Variants in OSBPL9 observed in about 807,000 individuals in gnomAD.
OSBPL9 encodes oxysterol-binding protein-related protein 9.
In OSBPL9, 40 loss-of-function variants were observed where a neutral mutation model predicts 106.6. The ratio of observed to expected loss-of-function variants is 0.38; its 90% CI spans 0.29 to 0.49. OSBPL9 has a LOEUF of 0.49. OSBPL9 is among the 20% of genes least tolerant of loss of function. The pLI is 0.97. For synonymous variants in OSBPL9, 269 were observed against 295.4 expected (o/e 0.91, Z 0.92); for missense variants, 609 against 887.2 (o/e 0.69, Z 3.98).
chr1:51,786,039 C>T (rs1677541548), intron 21 of OSBPL9, 153 bp downstream of exon 21: 1 of 640,278 alleles, frequency 1.6e-6, no homozygotes, highest in Admixed American at 3.4e-5. Context: ...TGTATGTCAT[C>T]TCTTCAGGGC....
At chr1:51,519,778 A>G in the OSBPL9 span, among the ~76,000 whole-genome samples, 3 of 152,258 alleles carry the variant, frequency 2.0e-5, no homozygotes, top group Non-Finnish European at 4.4e-5. Flanking sequence ...CTAAGGTCAT[A>G]CAGCTAATTA....
the OSBPL9 span, among the ~76,000 whole-genome samples, chr1:51,522,144 GT>G: frequency 1.3e-5 from 2 of 152,074 alleles, no homozygotes; most frequent in Admixed American, 1.3e-4. Context: ...ATATATAATT[GT>G]TATTTGGATC....
At chr1:51,641,642 CA>C (rs1645799620) in intron 1 of OSBPL9, among the ~76,000 whole-genome samples, 1 of 152,080 alleles carries the variant, frequency 6.6e-6, no homozygotes, top group Non-Finnish European at 1.5e-5. Context: ...CTATAGCCAG[CA>C]AAAAGCTGCT....
At chr1:51,738,655 C>T (rs1323212012) in intron 4 of OSBPL9, among the ~76,000 whole-genome samples, 1 of 151,682 alleles carries the variant, frequency 6.6e-6, no homozygotes, top group Non-Finnish European at 1.5e-5. Context: ...TTTTTATTAC[C>T]ATTCTCTATT....
the OSBPL9 span, among the ~76,000 whole-genome samples, chr1:51,528,591 G>A: frequency 6.6e-6 from 1 of 151,828 alleles, no homozygotes; most frequent in Non-Finnish European, 1.5e-5. Flanking sequence ...ATCAATTCCA[G>A]CCCAGCACAG....
the OSBPL9 span, among the ~76,000 whole-genome samples, chr1:51,547,856 T>G: frequency 2.0e-5 from 3 of 151,458 alleles, no homozygotes; most frequent in Non-Finnish European, 4.4e-5. Flanking sequence ...ATCTCAAATA[T>G]ATATATATAA....
intron 12 of OSBPL9, among the ~76,000 whole-genome samples, chr1:51,770,916 T>C (rs1356032277): frequency 2.0e-5 from 3 of 152,170 alleles, no homozygotes; most frequent in East Asian, 1.9e-4. Flanking sequence ...TCAAAACCGA[T>C]AGAACAGGCA....
intron 1 of OSBPL9, among the ~76,000 whole-genome samples, chr1:51,593,249 T>G (rs536654319): frequency 6.6e-6 from 1 of 152,206 alleles, no homozygotes; most frequent in South Asian, 2.1e-4. Context: ...GAAAAAAGAT[T>G]ACAATAGCCT....
Position 51,751,119 on chromosome 1 carries a change from G to A in OSBPL9, c.543+924G>A, listed in dbSNP as rs544376362. ...ATTTTTTATTTTTTGAGACAGTCTC[G>A]CTCTGTTGCCCAGGCTGGAGTGCAG... On this transcript the variant is annotated intron_variant, in intron 8 of 23. Coordinates refer to ENST00000428468, the MANE Select transcript of OSBPL9 (RefSeq NM_024586.6). 1.4e-4 allele frequency among the ~76,000 whole-genome samples: 21 copies of A among 152,144 alleles called. 1 individual carries two copies. The South Asian group carries it at 3.9e-3, about 29-fold the overall frequency.
At chr1:51,550,317 A>T in the OSBPL9 span, among the ~76,000 whole-genome samples, 1 of 152,260 alleles carries the variant, frequency 6.6e-6, no homozygotes, top group Non-Finnish European at 1.5e-5. Flanking sequence ...CTTGCAAACA[A>T]GTGACAATTA....
chr1:51,772,563 G>T (rs1263399593), intron 13 of OSBPL9, 42 bp from the exon 14 acceptor site: 7 of 1,432,704 alleles, frequency 4.9e-6, no homozygotes, highest in Non-Finnish European at 6.9e-6. Flanking sequence ...GGACAGATTG[G>T]CCCAATTTAG....
At chr1:51,621,738 T>C (rs2148627079) in intron 1 of OSBPL9, among the ~76,000 whole-genome samples, 1 of 152,290 alleles carries the variant, frequency 6.6e-6, no homozygotes, top group East Asian at 1.9e-4. Flanking sequence ...CCCTCTCTTT[T>C]TCTTGGCCAT....
the OSBPL9 span, among the ~76,000 whole-genome samples, chr1:51,552,196 T>G: frequency 5.9e-5 from 9 of 152,186 alleles, no homozygotes; most frequent in Non-Finnish European, 2.9e-5. Context: ...ACTTTTCTTG[T>G]TGGTCTCCTC....
intron 3 of OSBPL9, 82 bp from the exon 4 acceptor site, chr1:51,713,919 CAT>C (rs1319551564): frequency 9.1e-6 from 10 of 1,093,274 alleles, no homozygotes; most frequent in East Asian, 5.3e-5. Flanking sequence ...TGTTAGCCAT[CAT>C]AGTTTTAAAA....
intron 1 of OSBPL9, among the ~76,000 whole-genome samples, chr1:51,645,254 CTT>C (rs1357702912): frequency 1.3e-5 from 2 of 152,190 alleles, no homozygotes; most frequent in African/African-American, 4.8e-5. Context: ...TTTCTTAACA[CTT>C]ATCACCAGCT....
chr1:51,746,335 G>C lies in OSBPL9; in HGVS notation c.415-375G>C, dbSNP rs1188373611. 2.6e-5 allele frequency among the ~76,000 whole-genome samples: 4 copies of C among 151,938 alleles called. 1 individual carries two copies. The highest frequency in any genetic ancestry group is 6.8e-3 in the Middle Eastern group (2 of 292). ...TCTTTTATCATTACTGAAATGAATT[G>C]TCTCCTTCAGTTCCTACTTAAAATT... On this transcript the variant is annotated intron_variant, in intron 5 of 23. Coordinates refer to ENST00000428468, the MANE Select transcript of OSBPL9 (RefSeq NM_024586.6).
chr1:51,629,657 T>C (rs1323383178), intron 1 of OSBPL9, among the ~76,000 whole-genome samples: 2 of 152,008 alleles, frequency 1.3e-5, no homozygotes, highest in East Asian at 3.9e-4. Flanking sequence ...GCATACAAAT[T>C]CACTAATGTG....
intron 1 of OSBPL9, among the ~76,000 whole-genome samples, chr1:51,618,001 T>C (rs1334955619): frequency 6.7e-6 from 1 of 149,692 alleles, no homozygotes; most frequent in East Asian, 1.9e-4. Context: ...CGTGGTTGTG[T>C]GTGTGTGTGT....
chr1:51,618,924 A>G (rs1456170275), intron 1 of OSBPL9, among the ~76,000 whole-genome samples: 1 of 152,208 alleles, frequency 6.6e-6, no homozygotes, highest in Non-Finnish European at 1.5e-5. Context: ...GTGAGTTACT[A>G]AAGGCAAGCT....
Sources: allele counts gnomAD v4.1 joint callset (sites outside exome capture counted in the v4.1 genomes callset), GRCh38; gene constraint gnomAD v4.1.1; transcripts MANE v1.5; gene names NCBI Gene and HGNC (gene_info 2026-07-23, HGNC 2026-07-21).